The following LONRF1 variants were observed in gnomAD, a reference collection of about 807,000 sequenced individuals.
LONRF1 encodes LON peptidase N-terminal domain and ring finger 1, also known as LON peptidase N-terminal domain and RING finger protein 1.
Under a neutral mutation model 85.8 loss-of-function variants are expected in LONRF1, and 37 were observed. The ratio of observed to expected loss-of-function variants is 0.43; its 90% CI spans 0.33 to 0.57. The LOEUF (loss-of-function observed/expected upper bound fraction) is 0.57. LONRF1 is among the 20% of genes least tolerant of loss of function. LONRF1 has a pLI of 0.04. For missense variants in LONRF1, 1,036 were observed against 978.0 expected (o/e 1.06, Z -0.79); for synonymous variants, 517 against 390.1 (o/e 1.33, Z -3.83).
Position 12,754,851 on chromosome 8 carries a change from G to C in LONRF1, c.570C>G (p.Asp190Glu). Residue 190 changes from aspartate (D) to glutamate (E), a missense_variant, in exon 1 of 12, where the codon GAC (aspartate) becomes GAG (glutamate). By Grantham distance (45) the Asp-to-Glu change is conservative (BLOSUM62 2). Around this residue, in one of 3 missense-constraint regions of LONRF1, gnomAD observed 742 missense variants for 614.4 expected, o/e 1.21. Transcript: ENST00000398246. Reference sequence around the variant, plus strand: ...GGTTGAGGACGACGCTGGTTCTGAAGTCTGAAGCGGCGATGGCGGCGGCCA... The same window carrying C: ...GGTTGAGGACGACGCTGGTTCTGAACTCTGAAGCGGCGATGGCGGCGGCCA... The part of the protein sequence containing the change: ...PPLAAAIAAS[D>E]FRTSVVLNHL... The C allele has an allele frequency of 6.7e-7, 1 of 1,493,130 alleles. No homozygotes were observed. The highest frequency in any genetic ancestry group is 8.9e-7 in the Non-Finnish European group (1 of 1,126,228). The allele number at this position is 1,493,130 out of a possible 1,614,324, so 92.5% of individuals were successfully genotyped here. A position where few individuals can be genotyped will look rare whatever the true frequency, so the allele number is the denominator to read the frequency against.
intron 10 of LONRF1, among the ~76,000 whole-genome samples, chr8:12,726,856 A>G (rs1798327401): frequency 6.6e-6 from 1 of 152,244 alleles, no homozygotes; most frequent in African/African-American, 2.4e-5. Context: ...TTTACTTTTG[A>G]AAGATTTGAA....
chr8:12,738,289 C>T, intron 3 of LONRF1, 145 bp from the exon 4 acceptor site: 1 of 554,998 alleles, frequency 1.8e-6, no homozygotes. Flanking sequence ...GTAAGCAACA[C>T]TGTAAGTTCA....
intron 8 of LONRF1, among the ~76,000 whole-genome samples, chr8:12,730,790 G>C (rs1269707100): frequency 6.6e-6 from 1 of 152,124 alleles, no homozygotes; most frequent in East Asian, 1.9e-4. Flanking sequence ...TTCTTCTGTG[G>C]AAGGCACCTG....
chr8:12,729,408 G>A lies in LONRF1; in HGVS notation c.1689-76C>T, dbSNP rs151043826. On this transcript the variant is annotated intron_variant, in intron 8 of 11. Coordinates refer to ENST00000398246, the MANE Select transcript of LONRF1 (RefSeq NM_152271.5). ...CGAACACATACAAAAAATGAGTGAG[G>A]TTTATAACAGTAATGAACTAATGTA... 49 of 1,406,082 alleles carry A rather than the reference G, an allele frequency of 3.5e-5. No individual in the cohort carries two copies. The African/African-American group carries it at 4.0e-4, about 12-fold the overall frequency. 87.1% of individuals were successfully genotyped at this position (1,406,082 alleles called of 1,614,324 possible).
At chr8:12,752,589 C>T (rs555586843) in intron 1 of LONRF1, among the ~76,000 whole-genome samples, 6 of 152,290 alleles carry the variant, frequency 3.9e-5, no homozygotes, top group Admixed American at 6.5e-5. Context: ...TGGGCAAAAT[C>T]CTCATGTGCA....
chr8:12,740,839 C>A, intron 3 of LONRF1, 35 bp downstream of exon 3: 1 of 1,603,716 alleles, frequency 6.2e-7, no homozygotes, highest in Non-Finnish European at 8.5e-7. Flanking sequence ...CCTCTTAGCC[C>A]TACCATGAAC....
Position 12,755,394 on chromosome 8 carries a change from G to A in LONRF1, c.27C>T (p.Thr9=), listed in dbSNP as rs1243076063. 1.7e-6 allele frequency: 2 copies of A among 1,173,352 alleles called. No individual in the cohort carries two copies. The highest frequency in any genetic ancestry group is 4.0e-5 in the East Asian group (1 of 25,292). 72.7% of individuals were successfully genotyped at this position (1,173,352 alleles called of 1,614,324 possible). A position where few individuals can be genotyped will look rare whatever the true frequency, so the allele number is the denominator to read the frequency against. The change falls in exon 1 of 12, where the codon ACC becomes ACT. Residue 9 remains threonine (T), a synonymous_variant. Coordinates refer to ENST00000398246, the MANE Select transcript of LONRF1 (RefSeq NM_152271.5). MSSPAVAR[T]SPGGSREMAP... is the part of the protein sequence containing the mutation. ...CCATCTCCCGACTCCCTCCTGGGGA[G>A]GTCCTCGCCACCGCCGGAGAGGACA...
intron 10 of LONRF1, among the ~76,000 whole-genome samples, chr8:12,727,049 CTA>C (rs1179062992): frequency 6.7e-6 from 1 of 149,060 alleles, no homozygotes; most frequent in Non-Finnish European, 1.5e-5. Context: ...CCTGAAATGA[CTA>C]TACATGATTC....
At chr8:12,735,622 G>A (rs889383113) in intron 6 of LONRF1, 1 of 511,888 alleles carries the variant, frequency 2.0e-6, no homozygotes, top group African/African-American at 1.9e-5. Flanking sequence ...CTAGAGCCAA[G>A]GGCCTAGAGC....
chr8:12,735,657 T>G, intron 6 of LONRF1: 4 of 365,080 alleles, frequency 1.1e-5, no homozygotes, highest in Non-Finnish European at 2.0e-5. Context: ...CAACAGCCCC[T>G]GGACACTATG....
In LONRF1 at chr8:12,755,070, G is replaced by T. The variant is rs965988470; in HGVS notation, c.351C>A (p.Ala117=). ...AGCCCAGGCATCTGAGGAGCCCGCC[G>T]GCGCCGCCGTCAGCGCCTGCAACCG... The part of the protein sequence containing the change: ...AAPVAGADGG[A]GGLLRCLGCR... Residue 117 remains alanine (A), a synonymous_variant, in exon 1 of 12, where the codon GCC becomes GCA. Coordinates refer to ENST00000398246, the MANE Select transcript of LONRF1 (RefSeq NM_152271.5). 1.4e-6 allele frequency: 2 copies of T among 1,473,460 alleles called. No homozygotes were observed. Among genetic ancestry groups the T allele is most frequent in the South Asian group, 1.3e-5 (1 of 77,784 alleles). The allele number at this position is 1,473,460 out of a possible 1,614,324, so 91.3% of individuals were successfully genotyped here.
intron 1 of LONRF1, among the ~76,000 whole-genome samples, chr8:12,744,022 T>A (rs1799045468): frequency 6.6e-6 from 1 of 152,170 alleles, no homozygotes; most frequent in Non-Finnish European, 1.5e-5. Context: ...TGCAATCAAT[T>A]ACTACAGGTA....
chr8:12,748,946 G>C (rs752660126), intron 1 of LONRF1, among the ~76,000 whole-genome samples: 17 of 152,022 alleles, frequency 1.1e-4, no homozygotes, highest in Non-Finnish European at 1.9e-4. Flanking sequence ...GGGATAGTAA[G>C]ATCATTAACA....
At chr8:12,737,972 GA>G in intron 4 of LONRF1, 22 bp downstream of exon 4, 1 of 1,587,956 alleles carries the variant, frequency 6.3e-7, no homozygotes, top group Non-Finnish European at 8.5e-7. Flanking sequence ...CTAAACTCAT[GA>G]TAACCTTGTC....
chr8:12,754,244 G>A (rs939939305), intron 1 of LONRF1: 1 of 154,170 alleles, frequency 6.5e-6, no homozygotes, highest in East Asian at 1.9e-4. Flanking sequence ...AGTTGCCCTC[G>A]CGGGGGATTC....
rs1799019218 is a variant in LONRF1, at chr8:12,743,430, G to C, written c.722-148C>G. 8.7e-6 allele frequency: 5 copies of C among 575,172 alleles called. No homozygotes were observed. The South Asian group carries it at 9.7e-5, about 11-fold the overall frequency. 35.6% of individuals were successfully genotyped at this position (575,172 alleles called of 1,614,324 possible). On this transcript the variant is annotated intron_variant, in intron 1 of 11. Transcript: ENST00000398246. ...AAGTCTATAAGCCAAAGGCAGTATA[G>C]GCACAACCCATTTTACGTGTTGAAT...
At chr8:12,754,393 G>C (rs867171639) in intron 1 of LONRF1, 67 of 253,120 alleles carry the variant, frequency 2.6e-4, no homozygotes, top group South Asian at 1.2e-3. Flanking sequence ...CCTCGGTCCA[G>C]GTCACCCACT....
At chr8:12,731,248 G>C (rs2117248030) in intron 8 of LONRF1, among the ~76,000 whole-genome samples, 1 of 152,168 alleles carries the variant, frequency 6.6e-6, no homozygotes, top group Non-Finnish European at 1.5e-5. Flanking sequence ...CTCCCAGTCA[G>C]TATCTTCATT....
rs375947379 is a variant in LONRF1 at position 12,728,988 on chromosome 8, T to C, written c.1923A>G (p.Thr641=). The C allele has an allele frequency of 6.8e-5, 109 of 1,614,056 alleles. No homozygotes were observed. The Middle Eastern group carries it at 9.9e-4, about 15-fold the overall frequency. ...AAACCCTAAACCGCTTTCCTCCAAC[T>C]GTATCAACCACAGACCTTCCGTCCG... The part of the protein sequence containing the change: ...FLPDGRSVVD[T]VGGKRFRVLK... The change falls in exon 10 of 12, where the codon ACA becomes ACG. Residue 641 remains threonine (T), a synonymous_variant. Transcript: ENST00000398246.
Sources: gnomAD v4.1 joint callset for allele counts (sites outside exome capture counted in the v4.1 genomes callset) on GRCh38, gnomAD v4.1.1 for gene constraint, gnomAD v4.1.1 regional missense constraint, MANE v1.5 for transcripts, NCBI Gene and HGNC (gene_info 2026-07-23, HGNC 2026-07-21) for gene names.